Variants in TENM3 observed in about 807,000 individuals in gnomAD.
The protein encoded by TENM3 is teneurin-3.
TENM3 carries 63 observed loss-of-function variants against 255.1 expected under a neutral mutation model. The ratio of observed to expected loss-of-function variants is 0.25; its 90% CI spans 0.20 to 0.30. The LOEUF is 0.30. TENM3 is among the 10% of genes least tolerant of loss of function. The pLI is 1.00. For missense variants in TENM3, 2,929 were observed against 3,461.1 expected, an observed-to-expected ratio of 0.85 and a Z score of 3.86; for synonymous variants, 1,306 against 1,322.3, an observed-to-expected ratio of 0.99 and a Z score of 0.27.
the TENM3 span, among the ~76,000 whole-genome samples, chr4:182,019,586 A>G: frequency 6.6e-6 from 1 of 152,198 alleles, no homozygotes; most frequent in Non-Finnish European, 1.5e-5. Context: ...CGTAAACATC[A>G]AAGAGAAACC....
chr4:181,884,974 C>A, the TENM3 span, among the ~76,000 whole-genome samples: 1 of 151,918 alleles, frequency 6.6e-6, no homozygotes. Flanking sequence ...TTTTTTAAAT[C>A]TTATTTTTGT....
the TENM3 span, among the ~76,000 whole-genome samples, chr4:181,530,322 T>A: frequency 1.3e-5 from 2 of 152,232 alleles, no homozygotes; most frequent in African/African-American, 4.8e-5. Flanking sequence ...TTATTTCAAG[T>A]AATGATCTTA....
the TENM3 span, among the ~76,000 whole-genome samples, chr4:181,819,628 T>C: frequency 6.6e-6 from 1 of 152,170 alleles, no homozygotes; most frequent in Non-Finnish European, 1.5e-5. Flanking sequence ...AGGGGGATGA[T>C]TGCAGGACGA....
chr4:182,423,927 A>C (rs916880597), intron 3 of TENM3, among the ~76,000 whole-genome samples: 4 of 152,190 alleles, frequency 2.6e-5, no homozygotes, highest in Non-Finnish European at 5.9e-5. Flanking sequence ...TAATGAAAAA[A>C]AGAAATTTAA....
At chr4:181,664,937 G>A in the TENM3 span, among the ~76,000 whole-genome samples, 7 of 152,080 alleles carry the variant, frequency 4.6e-5, no homozygotes, top group Admixed American at 1.3e-4. Flanking sequence ...TTTAAAAAGC[G>A]AGATCACATT....
chr4:181,829,936 C>T, the TENM3 span: 1 of 152,354 alleles, frequency 6.6e-6, no homozygotes, highest in Non-Finnish European at 1.5e-5. Flanking sequence ...ACCAGCAGTT[C>T]CTTCACCTTC....
At chr4:181,763,345 G>A in the TENM3 span, among the ~76,000 whole-genome samples, 6,758 of 152,052 alleles carry the variant, frequency 0.044, 179 homozygotes, top group Middle Eastern at 0.1. Context: ...TACAATTAGC[G>A]TCAACATCAT....
chr4:181,559,663 A>T, the TENM3 span, among the ~76,000 whole-genome samples: 1 of 152,360 alleles, frequency 6.6e-6, no homozygotes, highest in Admixed American at 6.5e-5. Context: ...TTACTAATAT[A>T]TTTAACATTA....
At chr4:181,614,807 T>C in the TENM3 span, among the ~76,000 whole-genome samples, 9 of 152,202 alleles carry the variant, frequency 5.9e-5, no homozygotes, top group Admixed American at 2.6e-4. Flanking sequence ...TTTGCAGCCA[T>C]AAGTAGCTCC....
At chr4:182,328,227 T>C (rs1763533218) in intron 2 of TENM3, among the ~76,000 whole-genome samples, 1 of 152,118 alleles carries the variant, frequency 6.6e-6, no homozygotes, top group Non-Finnish European at 1.5e-5. Context: ...TTTTTGTTTT[T>C]GTTTTTGAGA....
At chr4:182,767,057 G>T (rs77496650) in intron 22 of TENM3, among the ~76,000 whole-genome samples, 6 of 152,124 alleles carry the variant, frequency 3.9e-5, no homozygotes, top group Non-Finnish European at 7.3e-5. Context: ...TGATGTGGGC[G>T]TAGGCGACTG....
the TENM3 span, among the ~76,000 whole-genome samples, chr4:181,580,550 A>G: frequency 6.6e-6 from 1 of 152,232 alleles, no homozygotes; most frequent in Admixed American, 6.5e-5. Context: ...CTCAGATAGC[A>G]GAAGTGGGGC....
At chr4:182,777,547 C>CTGTTTTTTT (rs1764782031) in intron 24 of TENM3, among the ~76,000 whole-genome samples, 7 of 45,438 alleles carry the variant, frequency 1.5e-4, no homozygotes, top group Admixed American at 6.6e-4. Flanking sequence ...GTGTGTATTT[C>CTGTTTTTTT]TTTTTTTTTT....
In TENM3 at chr4:182,775,158, G is replaced by T. The variant is rs776647414; in HGVS notation, c.5304+5G>T. 1.9e-6 allele frequency: 3 copies of T among 1,613,198 alleles called. No individual in the cohort carries two copies. Among genetic ancestry groups the T allele is most frequent in the Non-Finnish European group, 2.5e-6 (3 of 1,179,284 alleles). The stretch of plus-strand genomic sequence containing the variant: ...GTCTTTGGCCGCAAGCTCAGGGTAC[G>T]TACGTGTTGTGGAGCAGGAGATAGC... On this transcript the variant is annotated splice_donor_5th_base_variant and intron_variant, in intron 24 of 27. Coordinates refer to ENST00000511685, the MANE Select transcript of TENM3 (RefSeq NM_001080477.4).
At chr4:181,919,768 A>G in the TENM3 span, among the ~76,000 whole-genome samples, 1 of 151,802 alleles carries the variant, frequency 6.6e-6, no homozygotes, top group African/African-American at 2.4e-5. Flanking sequence ...GTTTTAGGGT[A>G]CATGTGCACA....
chr4:181,848,547 C>T, the TENM3 span, among the ~76,000 whole-genome samples: 2 of 152,134 alleles, frequency 1.3e-5, no homozygotes, highest in African/African-American at 4.8e-5. Context: ...TGTGTTAACA[C>T]TGCATGATAA....
intron 3 of TENM3, among the ~76,000 whole-genome samples, chr4:182,414,704 G>C (rs187476566): frequency 6.6e-6 from 1 of 152,160 alleles, no homozygotes; most frequent in African/African-American, 2.4e-5. Context: ...AAGGAGATGT[G>C]TGAAATAAAT....
chr4:182,773,068 C>G (rs28513681), intron 22 of TENM3, among the ~76,000 whole-genome samples: 8,501 of 152,172 alleles, frequency 0.056, 798 homozygotes, highest in African/African-American at 0.19. Flanking sequence ...TGTACTGCCA[C>G]CGAGGGAGTA....
chr4:182,310,271 G>A (rs1309577675), intron 1 of TENM3, among the ~76,000 whole-genome samples: 1 of 151,736 alleles, frequency 6.6e-6, no homozygotes, highest in African/African-American at 2.4e-5. Context: ...ATGTTGCCTA[G>A]GCTGGTCTCA....
Sources: allele counts gnomAD v4.1 joint callset (sites outside exome capture counted in the v4.1 genomes callset), GRCh38; gene constraint gnomAD v4.1.1; transcripts MANE v1.5; gene names NCBI Gene and HGNC (gene_info 2026-07-23, HGNC 2026-07-21).